RIMBP2: variants seen among roughly 807,000 people sequenced by gnomAD.
RIMBP2 encodes the protein RIMS-binding protein 2.
A neutral mutation model predicts 118.6 loss-of-function variants in RIMBP2; 48 were observed. The observed-to-expected ratio is 0.40, with a 90% CI of 0.32 to 0.51. The LOEUF is 0.51. Ranked by LOEUF, RIMBP2 falls within the 20% of genes least tolerant of loss-of-function variation. The pLI is 0.41. For missense variants in RIMBP2, 1,551 were observed against 1,768.3 expected, an observed-to-expected ratio of 0.88 and a Z score of 2.20; for synonymous variants, 762 against 742.9, an observed-to-expected ratio of 1.03 and a Z score of -0.42.
At chr12:130,659,003 G>A (rs1361592937) in intron 1 of RIMBP2, among the ~76,000 whole-genome samples, 3 of 151,246 alleles carry the variant, frequency 2.0e-5, no homozygotes, top group African/African-American at 7.3e-5. Flanking sequence ...CACCATGCCA[G>A]CCTCCCTCCC....
At chr12:130,707,136 G>A (rs1293221784) in intron 1 of RIMBP2, among the ~76,000 whole-genome samples, 1 of 152,212 alleles carries the variant, frequency 6.6e-6, no homozygotes, top group Non-Finnish European at 1.5e-5. Context: ...CAGTGGCCCA[G>A]GGGACACCCA....
At chr12:130,454,285 C>G (rs1171402428) in intron 7 of RIMBP2, among the ~76,000 whole-genome samples, 1 of 152,152 alleles carries the variant, frequency 6.6e-6, no homozygotes, top group East Asian at 1.9e-4. Context: ...CACTATACCT[C>G]AAAGTTGGAA....
At position 130,422,587 on chromosome 12, in the gene RIMBP2, G is replaced by GT. The variant is rs1566006198; in HGVS notation, c.3130-27dup. On this transcript the variant is annotated intron_variant, in intron 16 of 22. Transcript: ENST00000690449. This position sits in a 1 kb window ranked among gnomAD's most constrained non-coding sequence, Gnocchi z 5.2. Reference sequence around the variant, plus strand: ...CTAAAGACAAAACAACAACAAAGTCGTAAGTCTCGCCAGCATTGGGAACTG... The same window carrying GT: ...CTAAAGACAAAACAACAACAAAGTCGTTAAGTCTCGCCAGCATTGGGAACTG... 3 of 1,516,422 alleles carry GT rather than the reference G, an allele frequency of 2.0e-6. No homozygotes were observed. The highest frequency in any genetic ancestry group is 1.9e-5 in the Admixed American group (1 of 53,640). 93.9% of individuals were successfully genotyped at this position (1,516,422 alleles called of 1,614,324 possible). A position where few individuals can be genotyped will look rare whatever the true frequency, so the allele number is the denominator to read the frequency against.
chr12:130,489,703 C>T (rs2048444957), intron 4 of RIMBP2, among the ~76,000 whole-genome samples: 1 of 152,172 alleles, frequency 6.6e-6, no homozygotes, highest in South Asian at 2.1e-4. Context: ...AGTTCTTCCA[C>T]CCTGTGTGTC....
intron 7 of RIMBP2, among the ~76,000 whole-genome samples, chr12:130,452,763 C>T (rs142697984): frequency 5.3e-5 from 8 of 152,360 alleles, no homozygotes; most frequent in Non-Finnish European, 1.0e-4. Context: ...CCGCGTGTGA[C>T]TGCAGCAGAA....
intron 1 of RIMBP2, among the ~76,000 whole-genome samples, chr12:130,655,729 A>C (rs2037513555): frequency 6.6e-6 from 1 of 152,222 alleles, no homozygotes; most frequent in African/African-American, 2.4e-5. Flanking sequence ...ATGTGCACAC[A>C]CACACACCAT....
At position 130,523,497 on chromosome 12, in the gene RIMBP2, C is replaced by G. The variant is rs1280143308; in HGVS notation, c.-216-5580G>C. ...CTTCACAGTGTCTCCCGAGGCAGCT[C>G]AAGGGCTCGTCAAGGAAGAAACTGG... On this transcript the variant is annotated intron_variant, in intron 2 of 22. Coordinates refer to ENST00000690449, the MANE Select transcript of RIMBP2 (RefSeq NM_001393629.1). The surrounding 1 kb of genome is among the most constrained non-coding windows in gnomAD (Gnocchi z 4.4). Among the ~76,000 whole-genome samples the G allele has an allele frequency of 6.6e-6, 1 of 152,202 alleles. No homozygotes were observed. The highest frequency in any genetic ancestry group is 1.5e-5 in the Non-Finnish European group (1 of 68,030).
chr12:130,428,032 T>C (rs956295673), intron 15 of RIMBP2, 147 bp downstream of exon 15: 30 of 684,570 alleles, frequency 4.4e-5, no homozygotes, highest in Non-Finnish European at 6.5e-5. Context: ...GCAGATTCAA[T>C]AGTGAGAAAG....
At chr12:130,508,734 A>G (rs760011158) in intron 3 of RIMBP2, among the ~76,000 whole-genome samples, 5 of 152,120 alleles carry the variant, frequency 3.3e-5, no homozygotes, top group Non-Finnish European at 5.9e-5. Context: ...ACCAGACAGA[A>G]GTTTTCTTCT....
chr12:130,706,041 T>G (rs78965117), intron 1 of RIMBP2, among the ~76,000 whole-genome samples: 6,723 of 152,326 alleles, frequency 0.044, 511 homozygotes, highest in African/African-American at 0.15. Context: ...TGGGACTATC[T>G]GTATTATTCT....
At chr12:130,531,175 TTTG>T (rs1646185902) in intron 2 of RIMBP2, among the ~76,000 whole-genome samples, 1 of 152,248 alleles carries the variant, frequency 6.6e-6, no homozygotes, top group African/African-American at 2.4e-5. Flanking sequence ...TTCAGATATT[TTTG>T]TTAACTTGTT....
At chr12:130,695,921 G>C (rs964189601) in intron 1 of RIMBP2, among the ~76,000 whole-genome samples, 3 of 151,988 alleles carry the variant, frequency 2.0e-5, no homozygotes. Flanking sequence ...GCAGCAACTA[G>C]ATGAAATACG....
At chr12:130,580,369 G>A (rs761567649) in intron 2 of RIMBP2, among the ~76,000 whole-genome samples, 1 of 152,106 alleles carries the variant, frequency 6.6e-6, no homozygotes, top group Non-Finnish European at 1.5e-5. Flanking sequence ...TAAGTCTCAT[G>A]AGGTCTCATG....
At chr12:130,463,108 G>A (rs2080153748) in intron 6 of RIMBP2, among the ~76,000 whole-genome samples, 1 of 152,342 alleles carries the variant, frequency 6.6e-6, no homozygotes, top group Non-Finnish European at 1.5e-5. Flanking sequence ...GGGAGGAATT[G>A]CCAGCAGCAG....
At chr12:130,607,068 G>A (rs1450114301) in intron 2 of RIMBP2, among the ~76,000 whole-genome samples, 1 of 152,040 alleles carries the variant, frequency 6.6e-6, no homozygotes, top group Non-Finnish European at 1.5e-5. Flanking sequence ...CTGACCTCGT[G>A]ATCTACCCGC....
chr12:130,447,838 G>C lies in RIMBP2; in HGVS notation c.581+2362C>G, dbSNP rs2078667147. ...AGACATGGACACAGAGGCAGCCCCT[G>C]CATGGAGGGCGGGGAGAGGCCGCTC... On this transcript the variant is annotated intron_variant, in intron 9 of 22. Transcript: ENST00000690449. The surrounding 1 kb of genome is among the most constrained non-coding windows in gnomAD (Gnocchi z 4.4). 1.3e-5 allele frequency among the ~76,000 whole-genome samples: 2 copies of C among 152,228 alleles called. No homozygotes were observed. Among genetic ancestry groups the C allele is most frequent in the Non-Finnish European group, 1.5e-5 (1 of 68,044 alleles).
At chr12:130,677,125 C>T (rs1184820641) in intron 1 of RIMBP2, among the ~76,000 whole-genome samples, 3 of 152,082 alleles carry the variant, frequency 2.0e-5, no homozygotes, top group Non-Finnish European at 2.9e-5. Context: ...TTGGTTGTTA[C>T]GACTAGGGTG....
At chr12:130,567,027 C>T (rs1174989407) in intron 2 of RIMBP2, among the ~76,000 whole-genome samples, 1 of 152,092 alleles carries the variant, frequency 6.6e-6, no homozygotes, top group Non-Finnish European at 1.5e-5. Context: ...AAGGCAGAGT[C>T]AGAAGAAAGG....
chr12:130,650,979 A>G (rs1158025080), intron 1 of RIMBP2, among the ~76,000 whole-genome samples: 1 of 148,942 alleles, frequency 6.7e-6, no homozygotes, highest in Admixed American at 6.6e-5. Context: ...AAAAAAAAGA[A>G]AGAAAAGAAA....
Sources: allele counts gnomAD v4.1 joint callset (sites outside exome capture counted in the v4.1 genomes callset), GRCh38; gene constraint gnomAD v4.1.1; non-coding constraint Gnocchi (gnomAD v3.1); transcripts MANE v1.5; gene names NCBI Gene and HGNC (gene_info 2026-07-23, HGNC 2026-07-21).